The following OSBPL3 variants were observed in gnomAD, a reference collection of about 807,000 sequenced individuals.
OSBPL3 encodes oxysterol binding protein like 3, also known as oxysterol-binding protein-related protein 3.
A neutral mutation model predicts 120.1 loss-of-function variants in OSBPL3; 65 were observed. The ratio of observed to expected loss-of-function variants is 0.54; its 90% confidence interval spans 0.44 to 0.67. OSBPL3 has a LOEUF of 0.67. Among genes scored for constraint, OSBPL3 ranks in the 30% least tolerant of loss-of-function variants. The pLI is 0.00. For missense variants in OSBPL3, 1,004 were observed against 1,082.1 expected (o/e 0.93, Z 1.01); for synonymous variants, 416 against 402.6 (o/e 1.03, Z -0.40).
chr7:24,870,526 C>T (rs931174497), intron 5 of OSBPL3, among the ~76,000 whole-genome samples: 2 of 152,124 alleles, frequency 1.3e-5, no homozygotes, highest in African/African-American at 2.4e-5. Context: ...GGGGATGAGG[C>T]GACCAGCAGG....
chr7:24,851,925 G>C lies in OSBPL3; in HGVS notation c.1158+579C>G, dbSNP rs898937850. Among the ~76,000 whole-genome samples, 1 of 152,214 alleles carries C rather than the reference G, an allele frequency of 6.6e-6. No homozygotes were observed. Among genetic ancestry groups the C allele is most frequent in the Non-Finnish European group, 1.5e-5 (1 of 68,042 alleles). The stretch of plus-strand genomic sequence containing the variant: ...ATGAAGGTATAGTGATTGCCTGACA[G>C]GCACTTTCATGTGACTCATCTCTTT... On this transcript the variant is annotated intron_variant, in intron 11 of 22. Transcript: ENST00000313367. This position sits in a 1 kb window ranked among gnomAD's most constrained non-coding sequence, Gnocchi z 4.1.
Position 24,863,660 on chromosome 7 carries a change from G to A in OSBPL3, c.674-61C>T. The A allele has an allele frequency of 9.4e-7, 1 of 1,067,682 alleles. No individual in the cohort carries two copies. The highest frequency in any genetic ancestry group is 1.5e-6 in the Non-Finnish European group (1 of 689,400). 66.1% of individuals were successfully genotyped at this position (1,067,682 alleles called of 1,614,324 possible). On this transcript the variant is annotated intron_variant, in intron 7 of 22. Coordinates refer to ENST00000313367, the MANE Select transcript of OSBPL3 (RefSeq NM_015550.4). This position sits in a 1 kb window ranked among gnomAD's most constrained non-coding sequence, Gnocchi z 5.8. The stretch of plus-strand genomic sequence containing the variant: ...CACTAGCAAGAGGGATCACTGTGCT[G>A]TCCCCATGCCAGCTACTTTTCCTTA...
Position 24,815,938 on chromosome 7 carries a change from A to G in OSBPL3, c.2027+672T>C, listed in dbSNP as rs547999993. On this transcript the variant is annotated intron_variant, in intron 18 of 22. Transcript: ENST00000313367. The surrounding 1 kb of genome is among the most constrained non-coding windows in gnomAD (Gnocchi z 5.1). ...TGCTCAGAAGCATCTTGCTTTATAAATAAGTATCAATCATCCCTATCAGAT... is the reference window on the plus strand; with the variant it reads ...TGCTCAGAAGCATCTTGCTTTATAAGTAAGTATCAATCATCCCTATCAGAT... Among the ~76,000 whole-genome samples the G allele has an allele frequency of 1.3e-5, 2 of 152,338 alleles. No homozygotes were observed. The highest frequency in any genetic ancestry group is 2.1e-4 in the South Asian group (1 of 4,828).
At position 24,819,072 on chromosome 7, in the gene OSBPL3, G is replaced by A. The variant is rs1292522909; in HGVS notation, c.1948+1103C>T. Among the ~76,000 whole-genome samples the A allele has an allele frequency of 6.6e-6, 1 of 152,014 alleles. No individual in the cohort carries two copies. The highest frequency in any genetic ancestry group is 2.4e-5 in the African/African-American group (1 of 41,368). On this transcript the variant is annotated intron_variant, in intron 17 of 22. Coordinates refer to ENST00000313367, the MANE Select transcript of OSBPL3 (RefSeq NM_015550.4). The surrounding 1 kb of genome is among the most constrained non-coding windows in gnomAD (Gnocchi z 4.1). ...GATCAAGACCATCCTGGCCAACATG[G>A]TGAAACCCCATCTCTACTAAAAATA...
At position 24,961,504 on chromosome 7, in the gene OSBPL3, C is replaced by T. The variant is rs115036217; in HGVS notation, c.-150+18382G>A. 1.1e-3 allele frequency among the ~76,000 whole-genome samples: 167 copies of T among 152,192 alleles called. 4 individuals are homozygous for T. Among genetic ancestry groups the T allele is most frequent in the African/African-American group, 3.2e-3 (134 of 41,526 alleles). ...TTTGAGAGGTGATTTAAGAATGGAG[C>T]CCTCCTGTATGGCATTAGCGCTCCC... On this transcript the variant is annotated intron_variant, in intron 1 of 22. Transcript: ENST00000313367.
In OSBPL3 at chr7:24,835,407, C is replaced by G. The variant is rs1796877249; in HGVS notation, c.1496-671G>C. On this transcript the variant is annotated intron_variant, in intron 14 of 22. Coordinates refer to ENST00000313367, the MANE Select transcript of OSBPL3 (RefSeq NM_015550.4). The surrounding 1 kb of genome is among the most constrained non-coding windows in gnomAD (Gnocchi z 4.8). ...ATCAGAATAGCAATTACTAAAAAGT[C>G]AAAAAATAACATGCTGGTGAGGCTG... 6.6e-6 allele frequency among the ~76,000 whole-genome samples: 1 copy of G among 151,888 alleles called. No individual in the cohort carries two copies. The highest frequency in any genetic ancestry group is 2.4e-5 in the African/African-American group (1 of 41,358).
intron 2 of OSBPL3, among the ~76,000 whole-genome samples, chr7:24,887,054 T>G (rs1425991916): frequency 6.6e-6 from 1 of 152,236 alleles, no homozygotes; most frequent in African/African-American, 2.4e-5. Flanking sequence ...AATCTTGTTT[T>G]TATAAAAATC....
At position 24,940,915 on chromosome 7, in the gene OSBPL3, G is replaced by GT. The variant is rs1185212582; in HGVS notation, c.-150+38970dup. Among the ~76,000 whole-genome samples, 1 of 151,958 alleles carries GT rather than the reference G, an allele frequency of 6.6e-6. No individual in the cohort carries two copies. The highest frequency in any genetic ancestry group is 2.1e-4 in the South Asian group (1 of 4,796). ...GCTCACTGCAAGCTCTGCCTCCCGG[G>GT]TTCAAGCCATTCTCCTGCCCCAGCC... is the stretch of plus-strand genomic sequence containing the variant. On this transcript the variant is annotated intron_variant, in intron 1 of 22. Transcript: ENST00000313367. This position sits in a 1 kb window ranked among gnomAD's most constrained non-coding sequence, Gnocchi z 4.4.
chr7:24,957,778 C>T (rs1815248802), intron 1 of OSBPL3, among the ~76,000 whole-genome samples: 1 of 152,142 alleles, frequency 6.6e-6, no homozygotes, highest in Non-Finnish European at 1.5e-5. Flanking sequence ...AAAAAACAGA[C>T]TAGAATTCAA....
chr7:24,826,663 C>A (rs1795746310), intron 16 of OSBPL3, among the ~76,000 whole-genome samples: 1 of 152,152 alleles, frequency 6.6e-6, no homozygotes, highest in Admixed American at 6.5e-5. Context: ...CCTGCCTCAC[C>A]TTCCACAGAG....
At position 24,806,944 on chromosome 7, in the gene OSBPL3, C is replaced by A. The variant is rs778583164; in HGVS notation, c.2318-42G>T. 2.6e-6 allele frequency: 4 copies of A among 1,533,636 alleles called. No homozygotes were observed. Among genetic ancestry groups the A allele is most frequent in the Non-Finnish European group, 3.5e-6 (4 of 1,134,008 alleles). On this transcript the variant is annotated intron_variant, in intron 20 of 22. Transcript: ENST00000313367. This position sits in a 1 kb window ranked among gnomAD's most constrained non-coding sequence, Gnocchi z 5.2. ...TCATTCACCCCTAACTTGCATGTTA[C>A]TTATGTTACATTTTAATTCCTTCAC...
At chr7:24,979,556 C>T (rs968551764) in intron 1 of OSBPL3, among the ~76,000 whole-genome samples, 26 of 152,198 alleles carry the variant, frequency 1.7e-4, no homozygotes, top group African/African-American at 5.8e-4. Flanking sequence ...CCCCGCTGCC[C>T]AGGACAGCTC....
chr7:24,958,533 T>C (rs1815343403), intron 1 of OSBPL3, among the ~76,000 whole-genome samples: 1 of 152,198 alleles, frequency 6.6e-6, no homozygotes, highest in Non-Finnish European at 1.5e-5. Flanking sequence ...TTCAAAGGCA[T>C]TTCAATGTTT....
At position 24,979,883 on chromosome 7, in the gene OSBPL3, C is replaced by T; in HGVS notation, c.-150+3G>A. On this transcript the variant is annotated splice_donor_region_variant and intron_variant, in intron 1 of 22. Coordinates refer to ENST00000313367, the MANE Select transcript of OSBPL3 (RefSeq NM_015550.4). ...CCATTTAGGCGGGCGCCCCGCCACT[C>T]ACCTGAGCGCTGTGCAGCCGGAGAC... 1.0e-6 allele frequency: 1 copy of T among 985,516 alleles called. No individual in the cohort carries two copies. Among genetic ancestry groups the T allele is most frequent in the Non-Finnish European group, 1.2e-6 (1 of 830,042 alleles). 61.0% of individuals were successfully genotyped at this position (985,516 alleles called of 1,614,324 possible).
Position 24,849,208 on chromosome 7 carries a change from A to C in OSBPL3, c.1159-32T>G, listed in dbSNP as rs1798829257. Reference sequence around the variant, plus strand: ...CATGTTAAAATAGTGGGGCTCTGTTAATAAATGGATGTTTCAGAAAAGCAC... The same window carrying C: ...CATGTTAAAATAGTGGGGCTCTGTTCATAAATGGATGTTTCAGAAAAGCAC... On this transcript the variant is annotated intron_variant, in intron 11 of 22. Coordinates refer to ENST00000313367, the MANE Select transcript of OSBPL3 (RefSeq NM_015550.4). The surrounding 1 kb of genome is among the most constrained non-coding windows in gnomAD (Gnocchi z 5.4). The C allele has an allele frequency of 1.3e-6, 2 of 1,530,602 alleles. No homozygotes were observed. The highest frequency in any genetic ancestry group is 1.7e-5 in the Admixed American group (1 of 59,298). 94.8% of individuals were successfully genotyped at this position (1,530,602 alleles called of 1,614,324 possible).
In OSBPL3 at chr7:24,978,581, TCTC is replaced by T. The variant is rs1198051767; in HGVS notation, c.-150+1302_-150+1304del. Reference sequence around the variant, plus strand: ...TAAGAACCTAGGCCTGCTTGACTGATCTCCTTTAGCCAAGTATAGTCCTTTAGC... The same window carrying T: ...TAAGAACCTAGGCCTGCTTGACTGATCTTTAGCCAAGTATAGTCCTTTAGC... On this transcript the variant is annotated intron_variant, in intron 1 of 22. Coordinates refer to ENST00000313367, the MANE Select transcript of OSBPL3 (RefSeq NM_015550.4). Among the ~76,000 whole-genome samples the T allele has an allele frequency of 4.6e-5, 7 of 152,280 alleles. No homozygotes were observed. The South Asian group carries it at 1.2e-3, about 27-fold the overall frequency.
rs530856654 is a variant in OSBPL3 at position 24,959,332 on chromosome 7, T to G, written c.-150+20554A>C. Among the ~76,000 whole-genome samples the G allele has an allele frequency of 6.6e-6, 1 of 152,252 alleles. No homozygotes were observed. Among genetic ancestry groups the G allele is most frequent in the East Asian group, 1.9e-4 (1 of 5,190 alleles). ...CCCAAACAGAAAAAAAAACAAATGT[T>G]TATCAATAGTAGAATGGATAAATAA... is the stretch of plus-strand genomic sequence containing the variant. On this transcript the variant is annotated intron_variant, in intron 1 of 22. Transcript: ENST00000313367. This position sits in a 1 kb window ranked among gnomAD's most constrained non-coding sequence, Gnocchi z 4.3.
intron 1 of OSBPL3, among the ~76,000 whole-genome samples, chr7:24,910,957 G>A (rs1331693512): frequency 6.6e-6 from 1 of 152,152 alleles, no homozygotes; most frequent in East Asian, 1.9e-4. Context: ...CATACTAACT[G>A]GTCCAGACAC....
intron 1 of OSBPL3, among the ~76,000 whole-genome samples, chr7:24,934,637 T>G (rs1393247880): frequency 6.6e-6 from 1 of 152,314 alleles, no homozygotes; most frequent in African/African-American, 2.4e-5. Context: ...CATAACTACT[T>G]AGACGGCTTT....
Sources: gnomAD v4.1 joint callset for allele counts (sites outside exome capture counted in the v4.1 genomes callset) on GRCh38, gnomAD v4.1.1 for gene constraint, Gnocchi (gnomAD v3.1) non-coding constraint, MANE v1.5 for transcripts, NCBI Gene and HGNC (gene_info 2026-07-23, HGNC 2026-07-21) for gene names.